Variants in SUPT3H observed in about 807,000 individuals in gnomAD.
The protein encoded by SUPT3H is transcription initiation protein SPT3 homolog.
In SUPT3H, 44 loss-of-function variants were observed where a neutral mutation model predicts 44.3. The ratio of observed to expected loss-of-function variants is 0.99; its 90% CI spans 0.78 to 1.28. The LOEUF (loss-of-function observed/expected upper bound fraction) is 1.28, where lower values mean the gene tolerates loss of function less well. SUPT3H is among the 50% of genes most tolerant of loss of function. The pLI, the probability that SUPT3H is intolerant of heterozygous loss-of-function variation, is 0.00. For synonymous variants in SUPT3H, 124 were observed against 125.6 expected (o/e 0.99, Z 0.09); for missense variants, 380 against 387.1 (o/e 0.98, Z 0.15).
chr6:45,008,455 A>G (rs1303909089), intron 5 of SUPT3H, among the ~76,000 whole-genome samples: 12 of 152,120 alleles, frequency 7.9e-5, no homozygotes. Context: ...CCTGGGCTCA[A>G]GTAATCTTCC....
intron 2 of SUPT3H, among the ~76,000 whole-genome samples, chr6:45,110,149 G>A (rs139294693): frequency 2.6e-5 from 4 of 152,196 alleles, no homozygotes; most frequent in East Asian, 1.9e-4. Flanking sequence ...TGATTGGGGC[G>A]GAGCAACTTA....
intron 10 of SUPT3H, among the ~76,000 whole-genome samples, chr6:44,896,249 T>C (rs1471362248): frequency 6.6e-6 from 1 of 152,158 alleles, no homozygotes; most frequent in African/African-American, 2.4e-5. Flanking sequence ...AAGCTCTAAG[T>C]AACCTCAGAA....
intron 2 of SUPT3H, among the ~76,000 whole-genome samples, chr6:45,361,954 A>G (rs1581907349): frequency 6.6e-6 from 1 of 152,114 alleles, no homozygotes; most frequent in Non-Finnish European, 1.5e-5. Context: ...GGGAGGCTGA[A>G]GCAGGAAAAT....
intron 2 of SUPT3H, among the ~76,000 whole-genome samples, chr6:45,117,907 T>C (rs1012486158): frequency 7.2e-5 from 11 of 152,074 alleles, no homozygotes; most frequent in African/African-American, 2.4e-4. Context: ...AGTTCATCTC[T>C]AGTCTCAACA....
chr6:45,119,470 T>C (rs1473649648), intron 2 of SUPT3H, among the ~76,000 whole-genome samples: 1 of 152,166 alleles, frequency 6.6e-6, no homozygotes, highest in African/African-American at 2.4e-5. Context: ...GCCTTCCCTA[T>C]GTTGTGAAAG....
rs1767848074 is a variant in SUPT3H at position 44,827,170 on chromosome 6, T to G, written c.*2646A>C. On this transcript the variant is annotated 3_prime_UTR_variant, in exon 11 of 11. Transcript: ENST00000371459. ...AAGGGACAAAAAATAGAAACTAGCT[T>G]TGTATATTTCCATTTGACTTAGAGT... Among the ~76,000 whole-genome samples the G allele has an allele frequency of 6.6e-6, 1 of 152,166 alleles. No homozygotes were observed. Among genetic ancestry groups the G allele is most frequent in the Non-Finnish European group, 1.5e-5 (1 of 67,982 alleles).
At chr6:45,025,600 T>C (rs999255473) in intron 3 of SUPT3H, among the ~76,000 whole-genome samples, 1 of 152,140 alleles carries the variant, frequency 6.6e-6, no homozygotes, top group Non-Finnish European at 1.5e-5. Context: ...TACAACAGAA[T>C]TGGCCGGGCG....
chr6:44,985,377 C>T (rs1238463323), intron 6 of SUPT3H, among the ~76,000 whole-genome samples: 1 of 151,820 alleles, frequency 6.6e-6, no homozygotes, highest in Non-Finnish European at 1.5e-5. Flanking sequence ...TTGGGTGACA[C>T]AGTGAGACTC....
At chr6:45,042,011 G>A (rs1788608120) in intron 3 of SUPT3H, among the ~76,000 whole-genome samples, 1 of 152,184 alleles carries the variant, frequency 6.6e-6, no homozygotes, top group South Asian at 2.1e-4. Flanking sequence ...ATTAGAGACA[G>A]TAAATAAAGT....
intron 2 of SUPT3H, among the ~76,000 whole-genome samples, chr6:45,295,119 C>G (rs1025224643): frequency 6.6e-6 from 1 of 152,004 alleles, no homozygotes; most frequent in Non-Finnish European, 1.5e-5. Flanking sequence ...CTATAGTCAC[C>G]AAAACAGCGT....
chr6:45,302,110 A>G (rs890572361), intron 2 of SUPT3H, among the ~76,000 whole-genome samples: 1 of 152,076 alleles, frequency 6.6e-6, no homozygotes, highest in African/African-American at 2.4e-5. Context: ...TTTTTAAATA[A>G]ATTTATTTCC....
chr6:44,879,567 C>T (rs1467189148), intron 10 of SUPT3H, among the ~76,000 whole-genome samples: 5 of 151,296 alleles, frequency 3.3e-5, no homozygotes, highest in African/African-American at 7.2e-5. Context: ...GCACAGCACT[C>T]GAGCTCTGCC....
At chr6:45,120,014 T>C (rs1029360560) in intron 2 of SUPT3H, among the ~76,000 whole-genome samples, 2 of 152,120 alleles carry the variant, frequency 1.3e-5, no homozygotes, top group Non-Finnish European at 2.9e-5. Context: ...ACCACTGAAC[T>C]GATTCAAATG....
chr6:45,167,817 A>ATT (rs888390443), intron 2 of SUPT3H, among the ~76,000 whole-genome samples: 1 of 143,566 alleles, frequency 7.0e-6, no homozygotes, highest in African/African-American at 2.5e-5. Flanking sequence ...ATTTTCATTT[A>ATT]TTTTTTTTTT....
rs143575128 is a variant in SUPT3H, at chr6:45,032,992, T to C, written c.187-12360A>G. Among the ~76,000 whole-genome samples the C allele has an allele frequency of 4.6e-3, 700 of 152,290 alleles. 6 individuals carry two copies. The highest frequency in any genetic ancestry group is 5.1e-3 in the Non-Finnish European group (350 of 68,010). The stretch of plus-strand genomic sequence containing the variant: ...GGCACAGGAAGTAGAGTAGGAAGAC[T>C]GAGCGCTGCTGGCTCCTACTGTGTG... On this transcript the variant is annotated intron_variant, in intron 3 of 10. Transcript: ENST00000371459.
At chr6:45,128,527 AAAAAAAATATATAT>A (rs1380022527) in intron 2 of SUPT3H, among the ~76,000 whole-genome samples, 1 of 63,198 alleles carries the variant, frequency 1.6e-5, no homozygotes, top group Admixed American at 2.5e-4. Flanking sequence ...AAAAAAAAAA[AAAAAAAATATATAT>A]ATATATATAT....
Position 45,191,462 on chromosome 6 carries a change from C to T in SUPT3H, c.102-85456G>A, listed in dbSNP as rs1283914658. The stretch of plus-strand genomic sequence containing the variant: ...ACGCGGGATTTTTAAGGCAATGGAA[C>T]TATTCTGTGTAGTAATATAATGGTG... On this transcript the variant is annotated intron_variant, in intron 2 of 10. Transcript: ENST00000371459. Among the ~76,000 whole-genome samples the T allele has an allele frequency of 5.3e-5, 8 of 152,098 alleles. No homozygotes were observed. In the East Asian group the frequency reaches 1.5e-3, roughly 29 times the overall value.
intron 3 of SUPT3H, among the ~76,000 whole-genome samples, chr6:45,083,277 C>T (rs1462964070): frequency 7.3e-5 from 11 of 151,706 alleles, no homozygotes; most frequent in African/African-American, 4.8e-5. Context: ...ATGCAACCTC[C>T]GCCTCCCAGG....
At position 45,094,665 on chromosome 6, in the gene SUPT3H, G is replaced by A. The variant is rs923973262; in HGVS notation, c.186+11257C>T. On this transcript the variant is annotated intron_variant, in intron 3 of 10. Coordinates refer to ENST00000371459, the MANE Select transcript of SUPT3H (RefSeq NM_003599.4). ...TGCCCATTTTAAAAACTAAGTATCA[G>A]TCAATAGTTACTTATTATTTTTTTA... Among the ~76,000 whole-genome samples the A allele has an allele frequency of 7.2e-5, 11 of 152,058 alleles. No individual in the cohort carries two copies. In the East Asian group the frequency reaches 2.1e-3, roughly 29 times the overall value.
Sources: gnomAD v4.1 joint callset for allele counts (sites outside exome capture counted in the v4.1 genomes callset) on GRCh38, gnomAD v4.1.1 for gene constraint, MANE v1.5 for transcripts, NCBI Gene and HGNC (gene_info 2026-07-23, HGNC 2026-07-21) for gene names.